THSD7B: variants seen among roughly 807,000 people sequenced by gnomAD.
THSD7B encodes thrombospondin type 1 domain containing 7B.
A neutral mutation model predicts 213.6 loss-of-function variants in THSD7B; 138 were observed. That is an observed-to-expected ratio of 0.65 (90% CI 0.56 to 0.74). The LOEUF is 0.74. Ranked by LOEUF, THSD7B falls within the 30% of genes least tolerant of loss-of-function variation. The pLI is 0.00. For missense variants in THSD7B, 1,931 were observed against 1,991.5 expected (o/e 0.97, Z 0.58); for synonymous variants, 742 against 687.0 (o/e 1.08, Z -1.25).
chr2:137,487,162 A>G (rs1173917624), intron 15 of THSD7B, among the ~76,000 whole-genome samples: 1 of 149,438 alleles, frequency 6.7e-6, no homozygotes. Flanking sequence ...AGGTCAGGAG[A>G]TTGAGACCAT....
intron 12 of THSD7B, among the ~76,000 whole-genome samples, chr2:137,368,473 T>A (rs1685470730): frequency 6.6e-6 from 1 of 152,150 alleles, no homozygotes; most frequent in Admixed American, 6.6e-5. Flanking sequence ...TTAAATTAAT[T>A]CTGGCTTTCT....
chr2:137,335,528 A>G lies in THSD7B; in HGVS notation c.2500+59502A>G, dbSNP rs549005902. On this transcript the variant is annotated intron_variant, in intron 12 of 27. Coordinates refer to ENST00000409968, the MANE Select transcript of THSD7B (RefSeq NM_001316349.2). Reference sequence around the variant, plus strand: ...CTTATCCACATTGAATTTTCCTCCCAAAATTAATACCCTATGCTCACAACC... The same window carrying G: ...CTTATCCACATTGAATTTTCCTCCCGAAATTAATACCCTATGCTCACAACC... Among the ~76,000 whole-genome samples, 621 of 152,290 alleles carry G rather than the reference A, an allele frequency of 4.1e-3. 4 individuals carry two copies. The highest frequency in any genetic ancestry group is 0.014 in the African/African-American group (596 of 41,542).
intron 7 of THSD7B, among the ~76,000 whole-genome samples, chr2:137,174,983 CAT>C (rs1161742651): frequency 1.3e-5 from 2 of 152,222 alleles, no homozygotes; most frequent in East Asian, 1.9e-4. Context: ...AATTCTCAAA[CAT>C]ATAACTGGTT....
At chr2:137,078,528 G>T (rs2104901608) in intron 3 of THSD7B, among the ~76,000 whole-genome samples, 1 of 151,902 alleles carries the variant, frequency 6.6e-6, no homozygotes, top group South Asian at 2.1e-4. Flanking sequence ...ATAGTAATTT[G>T]CCTGTTTGGT....
At chr2:137,619,734 T>C (rs1682479977) in intron 19 of THSD7B, among the ~76,000 whole-genome samples, 1 of 152,196 alleles carries the variant, frequency 6.6e-6, no homozygotes, top group East Asian at 1.9e-4. Context: ...GCCCAATAAA[T>C]ATGTAAAAAA....
intron 2 of THSD7B, among the ~76,000 whole-genome samples, chr2:136,999,817 A>C (rs1685967952): frequency 6.6e-6 from 1 of 152,144 alleles, no homozygotes; most frequent in Non-Finnish European, 1.5e-5. Flanking sequence ...AAGCCAATTT[A>C]TATTTTTCAA....
intron 1 of THSD7B, among the ~76,000 whole-genome samples, chr2:136,860,887 T>C (rs1683248193): frequency 6.6e-6 from 1 of 152,218 alleles, no homozygotes; most frequent in African/African-American, 2.4e-5. Context: ...CCTGGAATCA[T>C]TCTATTTCTC....
At chr2:137,239,935 A>C (rs775809002) in intron 9 of THSD7B, among the ~76,000 whole-genome samples, 11 of 152,278 alleles carry the variant, frequency 7.2e-5, no homozygotes, top group Non-Finnish European at 1.6e-4. Context: ...GTATCTTCAC[A>C]TGGTGGAGAA....
intron 5 of THSD7B, among the ~76,000 whole-genome samples, chr2:137,147,940 C>T (rs2104971404): frequency 6.6e-6 from 1 of 152,242 alleles, no homozygotes; most frequent in African/African-American, 2.4e-5. Flanking sequence ...CACCTCTGGC[C>T]TTTCTTAATT....
intron 10 of THSD7B, among the ~76,000 whole-genome samples, chr2:137,245,642 A>T (rs530994061): frequency 6.6e-6 from 1 of 152,298 alleles, no homozygotes; most frequent in East Asian, 1.9e-4. Flanking sequence ...TTTTAAGTCC[A>T]TGAATATAAG....
intron 12 of THSD7B, among the ~76,000 whole-genome samples, chr2:137,309,532 T>C (rs900808241): frequency 2.0e-5 from 3 of 151,848 alleles, no homozygotes; most frequent in African/African-American, 7.2e-5. Context: ...ATACTTTAAG[T>C]TTTAGGGTAC....
chr2:136,832,201 G>GTGTGTATA (rs66731773), intron 1 of THSD7B, among the ~76,000 whole-genome samples: 10 of 146,406 alleles, frequency 6.8e-5, no homozygotes, highest in Non-Finnish European at 1.2e-4. Context: ...GTGTGTGTGT[G>GTGTGTATA]TATACACACA....
chr2:137,655,127 TAAAAG>T (rs556303254), intron 21 of THSD7B, among the ~76,000 whole-genome samples: 57 of 152,136 alleles, frequency 3.7e-4, no homozygotes, highest in Non-Finnish European at 7.1e-4. Context: ...ACAGGTAAAA[TAAAAG>T]AAATTTATGC....
intron 1 of THSD7B, among the ~76,000 whole-genome samples, chr2:136,833,934 A>G (rs1682802248): frequency 6.6e-6 from 1 of 152,228 alleles, no homozygotes; most frequent in African/African-American, 2.4e-5. Flanking sequence ...CATGGCCTCC[A>G]AATCCCCATA....
chr2:136,898,450 G>A lies in THSD7B; in HGVS notation c.139+16133G>A, dbSNP rs1373687435. On this transcript the variant is annotated intron_variant, in intron 2 of 27. Coordinates refer to ENST00000409968, the MANE Select transcript of THSD7B (RefSeq NM_001316349.2). ...GTCTTCCAAAGTGCTGGGATTACAG[G>A]CATGAGCCACAGCGCCCAGCCCCAT... is the stretch of plus-strand genomic sequence containing the variant. Among the ~76,000 whole-genome samples the A allele has an allele frequency of 2.6e-5, 4 of 152,098 alleles. No homozygotes were observed. In the East Asian group the frequency reaches 7.8e-4, roughly 30 times the overall value.
At chr2:137,438,388 A>G (rs1687334908) in intron 14 of THSD7B, among the ~76,000 whole-genome samples, 1 of 152,204 alleles carries the variant, frequency 6.6e-6, no homozygotes, top group African/African-American at 2.4e-5. Context: ...ATCTTATGCA[A>G]TGGGTACTGT....
intron 12 of THSD7B, among the ~76,000 whole-genome samples, chr2:137,387,287 C>T (rs1008496919): frequency 2.0e-5 from 3 of 152,182 alleles, no homozygotes; most frequent in Non-Finnish European, 2.9e-5. Context: ...GAGTGGCTTA[C>T]CTCAAACACC....
At chr2:137,473,757 T>C (rs1051817931) in intron 15 of THSD7B, among the ~76,000 whole-genome samples, 3 of 152,224 alleles carry the variant, frequency 2.0e-5, no homozygotes, top group African/African-American at 7.2e-5. Context: ...TACAAATGTC[T>C]GAGAGGTTTT....
At chr2:137,495,135 T>C (rs1191924245) in intron 15 of THSD7B, among the ~76,000 whole-genome samples, 1 of 152,222 alleles carries the variant, frequency 6.6e-6, no homozygotes, top group Non-Finnish European at 1.5e-5. Flanking sequence ...ATTCAAAATG[T>C]TATTTCAGCC....
Sources: allele counts gnomAD v4.1 joint callset (sites outside exome capture counted in the v4.1 genomes callset), GRCh38; gene constraint gnomAD v4.1.1; transcripts MANE v1.5; gene names NCBI Gene and HGNC (gene_info 2026-07-23, HGNC 2026-07-21).